The following MLLT10 variants were observed in gnomAD, a reference collection of about 807,000 sequenced individuals.
MLLT10 encodes the protein protein AF-10.
In MLLT10, 30 loss-of-function variants were observed where a neutral mutation model predicts 129.1. The ratio of observed to expected loss-of-function variants is 0.23; its 90% CI spans 0.17 to 0.32. The LOEUF (loss-of-function observed/expected upper bound fraction) is 0.32. Among genes scored for constraint, MLLT10 ranks in the 10% least tolerant of loss-of-function variants. MLLT10 has a pLI of 1.00. For missense variants in MLLT10, 1,119 were observed against 1,268.3 expected (o/e 0.88, Z 1.79); for synonymous variants, 490 against 446.4 (o/e 1.10, Z -1.23).
At chr10:21,647,323 C>A (rs1461962504) in intron 8 of MLLT10, among the ~76,000 whole-genome samples, 1 of 152,072 alleles carries the variant, frequency 6.6e-6, no homozygotes, top group African/African-American at 2.4e-5. Flanking sequence ...ATTACTAGGT[C>A]ACATGGTATG....
chr10:21,556,742 G>T (rs762577676), intron 3 of MLLT10: 11 of 1,610,868 alleles, frequency 6.8e-6, no homozygotes, highest in Non-Finnish European at 7.6e-6. Context: ...CCGATGCCTG[G>T]TGTCTAACGT....
At chr10:21,575,919 GTTGT>G (rs747849114) in intron 3 of MLLT10, among the ~76,000 whole-genome samples, 13 of 151,436 alleles carry the variant, frequency 8.6e-5, no homozygotes, top group South Asian at 2.1e-4. Flanking sequence ...TTTTTTTCTT[GTTGT>G]TTGTTTGTTT....
At chr10:21,711,972 C>G (rs1290777413) in intron 13 of MLLT10, among the ~76,000 whole-genome samples, 1 of 152,090 alleles carries the variant, frequency 6.6e-6, no homozygotes, top group Non-Finnish European at 1.5e-5. Context: ...TCTTGAATGG[C>G]TTTTTATCTC....
chr10:21,592,196 T>C (rs1233610435), intron 4 of MLLT10, among the ~76,000 whole-genome samples: 17 of 152,228 alleles, frequency 1.1e-4, no homozygotes, highest in Admixed American at 1.1e-3. Flanking sequence ...GTGAAGGCAT[T>C]ATTGTTTTGT....
At chr10:21,648,246 A>T (rs555974165) in intron 8 of MLLT10, among the ~76,000 whole-genome samples, 1 of 152,340 alleles carries the variant, frequency 6.6e-6, no homozygotes, top group East Asian at 1.9e-4. Flanking sequence ...GTTCATATGG[A>T]TATAAGCCAT....
intron 3 of MLLT10, among the ~76,000 whole-genome samples, chr10:21,583,551 G>C (rs1466089224): frequency 6.6e-6 from 1 of 152,174 alleles, no homozygotes; most frequent in East Asian, 1.9e-4. Flanking sequence ...TTGGTTCACA[G>C]TTCTGTAGGC....
At chr10:21,710,278 C>A (rs980663702) in intron 13 of MLLT10, among the ~76,000 whole-genome samples, 2 of 152,034 alleles carry the variant, frequency 1.3e-5, no homozygotes, top group African/African-American at 4.8e-5. Flanking sequence ...ACTTATGGGG[C>A]CACATAGGTA....
At chr10:21,695,892 G>A (rs958778896) in intron 13 of MLLT10, among the ~76,000 whole-genome samples, 154 of 150,526 alleles carry the variant, frequency 1.0e-3, no homozygotes, top group African/African-American at 3.5e-3. Flanking sequence ...AGACCAAATT[G>A]GACAAGTATT....
chr10:21,651,059 T>A (rs1046559698), intron 8 of MLLT10, among the ~76,000 whole-genome samples: 1 of 151,454 alleles, frequency 6.6e-6, no homozygotes, highest in Non-Finnish European at 1.5e-5. Context: ...TTTGTTTTGT[T>A]TTGTTTTGTT....
chr10:21,576,242 CTTT>C (rs556175778), intron 3 of MLLT10, among the ~76,000 whole-genome samples: 4 of 128,074 alleles, frequency 3.1e-5, no homozygotes, highest in Non-Finnish European at 5.1e-5. Context: ...TATCCATTTA[CTTT>C]TTTTTTTTTT....
chr10:21,698,919 G>T (rs762706823), intron 13 of MLLT10, among the ~76,000 whole-genome samples: 44 of 152,164 alleles, frequency 2.9e-4, no homozygotes, highest in Non-Finnish European at 4.7e-4. Context: ...CTTTTGCCCA[G>T]GCTGGAGTGC....
intron 8 of MLLT10, among the ~76,000 whole-genome samples, chr10:21,621,575 G>A (rs1194081700): frequency 6.6e-6 from 1 of 151,984 alleles, no homozygotes. Context: ...GTAGGTGAGC[G>A]AGGTGTGCCT....
intron 3 of MLLT10, among the ~76,000 whole-genome samples, chr10:21,561,363 C>T (rs772963764): frequency 1.1e-4 from 17 of 152,106 alleles, no homozygotes; most frequent in Admixed American, 3.9e-4. Flanking sequence ...TGGGTTCAAG[C>T]GATTCTTCTG....
intron 8 of MLLT10, among the ~76,000 whole-genome samples, chr10:21,639,663 G>A (rs1388962005): frequency 6.6e-6 from 1 of 152,046 alleles, no homozygotes; most frequent in African/African-American, 2.4e-5. Flanking sequence ...TTGGACAAAG[G>A]TATGATCGAA....
At chr10:21,720,993 G>C (rs536776747) in intron 14 of MLLT10, among the ~76,000 whole-genome samples, 1 of 152,248 alleles carries the variant, frequency 6.6e-6, no homozygotes, top group South Asian at 2.1e-4. Context: ...CTTGGCTTAT[G>C]ATATATATGG....
chr10:21,625,071 G>T, intron 8 of MLLT10: 2 of 869,408 alleles, frequency 2.3e-6, no homozygotes, highest in Non-Finnish European at 3.8e-6. Flanking sequence ...CATAACTGTA[G>T]TAATCTTCAT....
At chr10:21,683,973 C>T (rs954865783) in intron 13 of MLLT10, among the ~76,000 whole-genome samples, 3 of 151,720 alleles carry the variant, frequency 2.0e-5, no homozygotes, top group South Asian at 4.2e-4. Context: ...TGAACATAGT[C>T]GTTTACAGCT....
At chr10:21,543,118 G>A (rs2035478416) in intron 3 of MLLT10, among the ~76,000 whole-genome samples, 1 of 150,930 alleles carries the variant, frequency 6.6e-6, no homozygotes, top group Non-Finnish European at 1.5e-5. Context: ...TGCCCGGCTA[G>A]TTTTTTGTTT....
intron 8 of MLLT10, among the ~76,000 whole-genome samples, chr10:21,642,351 T>C (rs987053455): frequency 1.4e-5 from 2 of 140,690 alleles, no homozygotes; most frequent in African/African-American, 2.7e-5. Flanking sequence ...AAACTCCGTT[T>C]AAAAAACAAA....
Sources: gnomAD v4.1 joint callset for allele counts (sites outside exome capture counted in the v4.1 genomes callset) on GRCh38, gnomAD v4.1.1 for gene constraint, MANE v1.5 for transcripts, NCBI Gene and HGNC (gene_info 2026-07-23, HGNC 2026-07-21) for gene names.